P4HA2: variants seen among roughly 807,000 people sequenced by gnomAD.
The protein encoded by P4HA2 is prolyl 4-hydroxylase subunit alpha 2.
Under a neutral mutation model 76.9 loss-of-function variants are expected in P4HA2, and 46 were observed. That is an observed-to-expected ratio of 0.60 (90% CI 0.47 to 0.76). The LOEUF (loss-of-function observed/expected upper bound fraction) is 0.76, where lower values mean the gene tolerates loss of function less well. P4HA2 is among the 30% of genes least tolerant of loss of function. The pLI is 0.00. For missense variants in P4HA2, 583 were observed against 669.4 expected (o/e 0.87, Z 1.42); for synonymous variants, 243 against 254.0 (o/e 0.96, Z 0.41).
At chr5:132,210,975 G>A (rs246107) in intron 5 of P4HA2, among the ~76,000 whole-genome samples, 104,213 of 152,166 alleles carry the variant, frequency 0.68, 36,560 homozygotes, top group African/African-American at 0.83. Flanking sequence ...CAGGAACTCT[G>A]AGGAAAGAAT....
At chr5:132,209,945 C>T (rs2126589790) in intron 6 of P4HA2, among the ~76,000 whole-genome samples, 1 of 152,298 alleles carries the variant, frequency 6.6e-6, no homozygotes, top group East Asian at 1.9e-4. Flanking sequence ...TAAAGTACAA[C>T]CTGACTCCTG....
At chr5:132,204,034 T>A (rs1262674743) in intron 9 of P4HA2, 48 bp downstream of exon 9, 1 of 1,489,806 alleles carries the variant, frequency 6.7e-7, no homozygotes. Context: ...CACTGAGAAG[T>A]CCTGAAGTTG....
intron 4 of P4HA2, among the ~76,000 whole-genome samples, chr5:132,216,441 AG>A (rs1249893790): frequency 2.0e-5 from 3 of 152,228 alleles, no homozygotes; most frequent in South Asian, 4.1e-4. Flanking sequence ...CTGATAATTC[AG>A]AAAAAATCCC....
At chr5:132,208,758 C>G (rs184336013) in intron 7 of P4HA2, among the ~76,000 whole-genome samples, 68 of 152,126 alleles carry the variant, frequency 4.5e-4, no homozygotes, top group African/African-American at 1.6e-3. Context: ...CGATACCAAG[C>G]TCTAGTACAC....
chr5:132,207,148 T>C (rs1038347175), intron 8 of P4HA2, among the ~76,000 whole-genome samples: 1 of 152,080 alleles, frequency 6.6e-6, no homozygotes, highest in Admixed American at 6.6e-5. Flanking sequence ...ATGTAACCAG[T>C]TAAAAATAAT....
intron 1 of P4HA2, among the ~76,000 whole-genome samples, chr5:132,225,869 G>C (rs573624956): frequency 6.6e-6 from 1 of 152,334 alleles, no homozygotes; most frequent in South Asian, 2.1e-4. Context: ...TGAGCTCTCA[G>C]AGAACTAGGG....
At chr5:132,220,109 A>T (rs1344403307) in intron 1 of P4HA2, among the ~76,000 whole-genome samples, 2 of 152,238 alleles carry the variant, frequency 1.3e-5, no homozygotes, top group Non-Finnish European at 2.9e-5. Context: ...GAGTTAGAGC[A>T]GCAGAAGAGA....
intron 4 of P4HA2, among the ~76,000 whole-genome samples, chr5:132,216,162 C>CTAAAA (rs1753855523): frequency 1.6e-5 from 1 of 63,168 alleles, no homozygotes. Context: ...GACTCAGTCT[C>CTAAAA]AAAAAAAAAA....
At chr5:132,215,420 T>C (rs1311165873) in intron 4 of P4HA2, among the ~76,000 whole-genome samples, 4 of 152,118 alleles carry the variant, frequency 2.6e-5, no homozygotes, top group African/African-American at 7.2e-5. Flanking sequence ...GTAGGCTTAG[T>C]CTCCTGCCGT....
chr5:132,210,877 A>G (rs1752987299), intron 5 of P4HA2, among the ~76,000 whole-genome samples: 1 of 152,214 alleles, frequency 6.6e-6, no homozygotes, highest in Non-Finnish European at 1.5e-5. Context: ...GCAGTTTGCC[A>G]TATGAGTCTA....
intron 5 of P4HA2, 22 bp from the exon 6 acceptor site, chr5:132,210,545 G>A (rs202003680): frequency 1.7e-5 from 28 of 1,613,314 alleles, no homozygotes; most frequent in Middle Eastern, 1.6e-4. Flanking sequence ...GAAGTAAATT[G>A]TCAGGCTCCA....
At chr5:132,198,647 G>T (rs369329906) in intron 11 of P4HA2, among the ~76,000 whole-genome samples, 1 of 152,194 alleles carries the variant, frequency 6.6e-6, no homozygotes, top group Non-Finnish European at 1.5e-5. Flanking sequence ...GGCAGGGGAC[G>T]AACGCCCCAC....
At chr5:132,216,089 C>A (rs570751156) in intron 4 of P4HA2, among the ~76,000 whole-genome samples, 1 of 146,020 alleles carries the variant, frequency 6.8e-6, no homozygotes, top group East Asian at 2.0e-4. Flanking sequence ...TGCTTGAACC[C>A]GGAGGCAGAG....
rs763857845 is a variant in P4HA2 at position 132,209,126 on chromosome 5, C to CA, written c.903+11dup. The stretch of plus-strand genomic sequence containing the variant: ...CACAGCTTTGGCACCCTAGCCCCCT[C>CA]ACACATCTCACCAGTTTGACACCCT... On this transcript the variant is annotated intron_variant, in intron 7 of 14. Coordinates refer to ENST00000360568, the MANE Select transcript of P4HA2 (RefSeq NM_001017974.2). 2 of 1,603,914 alleles carry CA rather than the reference C, an allele frequency of 1.2e-6. No individual in the cohort carries two copies. Among genetic ancestry groups the CA allele is most frequent in the East Asian group, 4.5e-5 (2 of 44,762 alleles).
intron 12 of P4HA2, among the ~76,000 whole-genome samples, chr5:132,196,621 G>A (rs1046854379): frequency 6.6e-6 from 1 of 152,138 alleles, no homozygotes; most frequent in African/African-American, 2.4e-5. Context: ...AGCACTTTGG[G>A]AGGCCAAGGC....
rs1054752514 is a variant in P4HA2 at position 132,192,005 on chromosome 5, C to T, written c.*1005G>A. On this transcript the variant is annotated 3_prime_UTR_variant, in exon 15 of 15. Transcript: ENST00000360568. ...TGTTGAACAAAAGAAGCCACATACCCAAAAATATTTACTCTCATTCTATTA... is the reference window on the plus strand; with the variant it reads ...TGTTGAACAAAAGAAGCCACATACCTAAAAATATTTACTCTCATTCTATTA... 1.3e-5 allele frequency: 2 copies of T among 152,180 alleles called. No individual in the cohort carries two copies. Among genetic ancestry groups the T allele is most frequent in the African/African-American group, 4.8e-5 (2 of 41,440 alleles). 9.4% of individuals were successfully genotyped at this position (152,180 alleles called of 1,614,324 possible).
At chr5:132,210,209 C>G in intron 6 of P4HA2, 75 bp downstream of exon 6, 1 of 1,535,862 alleles carries the variant, frequency 6.5e-7, no homozygotes, top group Non-Finnish European at 9.0e-7. Flanking sequence ...GGAGAGGGGT[C>G]AGGCAGATGC....
intron 5 of P4HA2, among the ~76,000 whole-genome samples, chr5:132,213,349 G>C (rs1240613750): frequency 6.6e-6 from 1 of 151,842 alleles, no homozygotes; most frequent in Non-Finnish European, 1.5e-5. Context: ...ACAGAGTGTA[G>C]ATTACTCTAT....
chr5:132,196,034 G>A (rs1478943438), intron 12 of P4HA2, among the ~76,000 whole-genome samples: 1 of 152,146 alleles, frequency 6.6e-6, no homozygotes, highest in Non-Finnish European at 1.5e-5. Flanking sequence ...TTCTCCTATG[G>A]TAAGGCCTTA....
Sources: gnomAD v4.1 joint callset for allele counts (sites outside exome capture counted in the v4.1 genomes callset) on GRCh38, gnomAD v4.1.1 for gene constraint, MANE v1.5 for transcripts, NCBI Gene and HGNC (gene_info 2026-07-23, HGNC 2026-07-21) for gene names.